Variants in PRKN observed in about 807,000 individuals in gnomAD.
PRKN encodes the protein parkin RBR E3 ubiquitin protein ligase, also known as E3 ubiquitin-protein ligase parkin.
A neutral mutation model predicts 59.5 loss-of-function variants in PRKN; 56 were observed. The ratio of observed to expected loss-of-function variants is 0.94; its 90% CI spans 0.76 to 1.18. PRKN has a LOEUF of 1.18. Among genes scored for constraint, PRKN ranks in the 50% most tolerant of loss-of-function variants. The pLI, the probability that PRKN is intolerant of heterozygous loss-of-function variation, is 0.00. For missense variants in PRKN, 657 were observed against 596.4 expected (o/e 1.10, Z -1.06); for synonymous variants, 250 against 222.1 (o/e 1.13, Z -1.12).
At chr6:162,691,479 T>C (rs1213265370) in intron 1 of PRKN, among the ~76,000 whole-genome samples, 1 of 152,156 alleles carries the variant, frequency 6.6e-6, no homozygotes, top group East Asian at 1.9e-4. Context: ...TTCAAAATAA[T>C]AATAGTCAAT....
chr6:162,128,468 A>G (rs1272952403), intron 4 of PRKN, among the ~76,000 whole-genome samples: 3 of 152,144 alleles, frequency 2.0e-5, no homozygotes, highest in Admixed American at 1.3e-4. Context: ...AAAGTGAGAG[A>G]GATGGGAAAG....
chr6:162,699,474 T>G (rs1458845635), intron 1 of PRKN, among the ~76,000 whole-genome samples: 1 of 152,128 alleles, frequency 6.6e-6, no homozygotes, highest in Non-Finnish European at 1.5e-5. Context: ...GAAAAGCATA[T>G]ACAGTTCACT....
chr6:161,516,493 AG>A (rs1224755409), intron 9 of PRKN, among the ~76,000 whole-genome samples: 1,476 of 22,032 alleles, frequency 0.067, 46 homozygotes, highest in African/African-American at 0.083. Context: ...AAAAAAAAAA[AG>A]AAGAAGAAGA....
intron 10 of PRKN, among the ~76,000 whole-genome samples, chr6:161,374,576 G>A (rs1478633413): frequency 2.6e-3 from 14 of 5,388 alleles, no homozygotes; most frequent in East Asian, 0.015. Flanking sequence ...TGTGTGTAAT[G>A]GGTGTGTGGT....
At chr6:161,493,736 G>A (rs192137542) in intron 9 of PRKN, among the ~76,000 whole-genome samples, 10 of 152,324 alleles carry the variant, frequency 6.6e-5, no homozygotes, top group African/African-American at 2.2e-4. Context: ...GAAACAGAAC[G>A]ACGTGCATTA....
chr6:162,386,032 A>ATTT (rs1254420221), intron 2 of PRKN, among the ~76,000 whole-genome samples: 1 of 152,034 alleles, frequency 6.6e-6, no homozygotes, highest in Non-Finnish European at 1.5e-5. Flanking sequence ...TTGTATTTTG[A>ATTT]TTTTTTTTAA....
chr6:161,940,536 C>T (rs1438488215), intron 6 of PRKN, among the ~76,000 whole-genome samples: 1 of 152,118 alleles, frequency 6.6e-6, no homozygotes, highest in Non-Finnish European at 1.5e-5. Flanking sequence ...AAACACTGAG[C>T]ATTGGTTGAG....
At chr6:161,469,585 A>AAGAG (rs201281296) in intron 9 of PRKN, among the ~76,000 whole-genome samples, 3,469 of 150,948 alleles carry the variant, frequency 0.023, 117 homozygotes, top group African/African-American at 0.08. Context: ...GAGAGAGAGA[A>AAGAG]AGAGAAAGAG....
chr6:162,345,255 A>G (rs1784349722), intron 2 of PRKN, among the ~76,000 whole-genome samples: 1 of 152,194 alleles, frequency 6.6e-6, no homozygotes, highest in Non-Finnish European at 1.5e-5. Flanking sequence ...GAAAATGGTC[A>G]TTTTAAGAAT....
chr6:162,148,050 A>G (rs1562541343), intron 4 of PRKN, among the ~76,000 whole-genome samples: 2 of 152,314 alleles, frequency 1.3e-5, no homozygotes, highest in Admixed American at 1.3e-4. Flanking sequence ...GACCTGTCTC[A>G]GTCAGCTACA....
intron 1 of PRKN, among the ~76,000 whole-genome samples, chr6:162,537,561 C>T (rs1407625869): frequency 6.6e-6 from 1 of 152,198 alleles, no homozygotes; most frequent in Non-Finnish European, 1.5e-5. Flanking sequence ...CCCACTGCCA[C>T]CTCCTCCAAG....
intron 1 of PRKN, among the ~76,000 whole-genome samples, chr6:162,658,240 T>A (rs1778727813): frequency 6.6e-6 from 1 of 152,232 alleles, no homozygotes; most frequent in South Asian, 2.1e-4. Context: ...TATTCAACTT[T>A]CTTTCTGTAG....
rs1260526705 is a variant in PRKN, at chr6:161,483,033, G to A, written c.1083+65821C>T. 6.6e-6 allele frequency among the ~76,000 whole-genome samples: 1 copy of A among 152,078 alleles called. No homozygotes were observed. Among genetic ancestry groups the A allele is most frequent in the South Asian group, 2.1e-4 (1 of 4,822 alleles). ...GTACAGAATTCTTCCTTCTCCCTCG[G>A]CTTCTTTTTAAGTTTGAGAGTGAAT... On this transcript the variant is annotated intron_variant, in intron 9 of 11. Transcript: ENST00000366898. The surrounding 1 kb of genome is among the most constrained non-coding windows in gnomAD (Gnocchi z 5.0).
intron 7 of PRKN, among the ~76,000 whole-genome samples, chr6:161,689,575 A>G (rs1160796248): frequency 1.3e-5 from 2 of 152,196 alleles, no homozygotes; most frequent in African/African-American, 4.8e-5. Flanking sequence ...CCATGCCAGC[A>G]TGCCCTGAGT....
Position 162,390,375 on chromosome 6 carries a change from GTATA to G in PRKN, c.171+52931_171+52934del, listed in dbSNP as rs369827763. Among the ~76,000 whole-genome samples the G allele has an allele frequency of 2.1e-3, 207 of 98,772 alleles. 3 individuals are homozygous for G. Among genetic ancestry groups the G allele is most frequent in the East Asian group, 8.1e-3 (27 of 3,316 alleles). The allele number at this position is 98,772 out of a possible 152,430, so 64.8% of individuals were successfully genotyped here. Reference sequence around the variant, plus strand: ...GCCACATGGTGATTATACTGCTAAGGTATATATATATATATATATATACACACAC... The same window carrying G: ...GCCACATGGTGATTATACTGCTAAGGTATATATATATATATATACACACAC... On this transcript the variant is annotated intron_variant, in intron 2 of 11. Transcript: ENST00000366898.
intron 4 of PRKN, among the ~76,000 whole-genome samples, chr6:162,072,565 T>A (rs1013781379): frequency 6.6e-6 from 1 of 152,214 alleles, no homozygotes; most frequent in African/African-American, 2.4e-5. Context: ...TTCGTGCAAT[T>A]TCCTAAATAT....
At chr6:162,364,103 C>G (rs750325125) in intron 2 of PRKN, among the ~76,000 whole-genome samples, 1 of 152,186 alleles carries the variant, frequency 6.6e-6, no homozygotes, top group African/African-American at 2.4e-5. Context: ...CAGCCTGATA[C>G]AGTAGCAGGC....
At position 161,419,137 on chromosome 6, in the gene PRKN, G is replaced by T. The variant is rs1399160040; in HGVS notation, c.1084-32260C>A. ...TAGTGTTCACTAAATGCGTAGCTAT[G>T]CAATGAAAATGGTGAGAATCCTTTA... is the stretch of plus-strand genomic sequence containing the variant. On this transcript the variant is annotated intron_variant, in intron 9 of 11. Coordinates refer to ENST00000366898, the MANE Select transcript of PRKN (RefSeq NM_004562.3). This position sits in a 1 kb window ranked among gnomAD's most constrained non-coding sequence, Gnocchi z 4.1. 1.3e-5 allele frequency among the ~76,000 whole-genome samples: 2 copies of T among 152,194 alleles called. No individual in the cohort carries two copies. The highest frequency in any genetic ancestry group is 3.8e-4 in the East Asian group (2 of 5,202).
intron 9 of PRKN, among the ~76,000 whole-genome samples, chr6:161,500,206 A>G (rs1255632469): frequency 6.6e-6 from 1 of 152,120 alleles, no homozygotes; most frequent in East Asian, 1.9e-4. Flanking sequence ...GAGTACAGAG[A>G]GCTCCCCTCT....
Sources: allele counts gnomAD v4.1 joint callset (sites outside exome capture counted in the v4.1 genomes callset), GRCh38; gene constraint gnomAD v4.1.1; non-coding constraint Gnocchi (gnomAD v3.1); transcripts MANE v1.5; gene names NCBI Gene and HGNC (gene_info 2026-07-23, HGNC 2026-07-21).